Variants in SHC4 observed in about 807,000 individuals in gnomAD.
SHC4 encodes the protein SHC adaptor protein 4.
SHC4 carries 41 observed loss-of-function variants against 69.4 expected under a neutral mutation model. The ratio of observed to expected loss-of-function variants is 0.59; its 90% CI spans 0.46 to 0.77. The LOEUF is 0.77. SHC4 is among the 30% of genes least tolerant of loss of function. The pLI, the probability that SHC4 is intolerant of heterozygous loss-of-function variation, is 0.00. For missense variants in SHC4, 777 were observed against 783.8 expected (o/e 0.99, Z 0.10); for synonymous variants, 318 against 299.3 (o/e 1.06, Z -0.64).
intron 5 of SHC4, among the ~76,000 whole-genome samples, chr15:48,868,995 T>C (rs899538252): frequency 1.3e-5 from 2 of 152,214 alleles, no homozygotes; most frequent in Non-Finnish European, 2.9e-5. Flanking sequence ...TGCTGTCTGG[T>C]AGGTCCAATT....
chr15:48,928,828 T>C (rs1900902313), intron 1 of SHC4, among the ~76,000 whole-genome samples: 1 of 152,142 alleles, frequency 6.6e-6, no homozygotes, highest in South Asian at 2.1e-4. Flanking sequence ...TGATCTTTAC[T>C]CTTACGGTGG....
chr15:48,855,344 T>C (rs1899291064), intron 8 of SHC4, among the ~76,000 whole-genome samples: 1 of 152,120 alleles, frequency 6.6e-6, no homozygotes, highest in Non-Finnish European at 1.5e-5. Flanking sequence ...CTGGTGACCA[T>C]TGTAAAAGTA....
At chr15:48,878,697 T>G in intron 4 of SHC4, 1 of 1,614,018 alleles carries the variant, frequency 6.2e-7, no homozygotes, top group Non-Finnish European at 8.5e-7. Flanking sequence ...GTCAATCGTC[T>G]GACCGAAGAA....
chr15:48,953,814 A>G (rs1247103354), intron 1 of SHC4, among the ~76,000 whole-genome samples: 1 of 152,238 alleles, frequency 6.6e-6, no homozygotes, highest in Non-Finnish European at 1.5e-5. Flanking sequence ...TTGATGTACG[A>G]GTAGCTCATA....
In SHC4 at chr15:48,962,605, T is replaced by C; in HGVS notation, c.411A>G (p.Leu137=). The C allele has an allele frequency of 6.2e-7, 1 of 1,614,106 alleles. No homozygotes were observed. The highest frequency in any genetic ancestry group is 8.5e-7 in the Non-Finnish European group (1 of 1,179,982). ...SSGPSSPETS[L]SRSGTAPPPQ... ...GTGGAGGTGCAGTCCCGGACCTACT[T>C]AAACTGGTTTCTGGGGAAGAGGGGC... The change falls in exon 1 of 12, where the codon TTA becomes TTG. Residue 137 remains leucine, a synonymous_variant. Coordinates refer to ENST00000332408, the MANE Select transcript of SHC4 (RefSeq NM_203349.4).
intron 3 of SHC4, among the ~76,000 whole-genome samples, chr15:48,889,129 C>T (rs62010862): frequency 0.073 from 11,121 of 152,074 alleles, 448 homozygotes; most frequent in East Asian, 0.13. Flanking sequence ...ATGGGGAATC[C>T]CTGCTCCTTA....
chr15:48,860,203 A>G (rs1332413932), intron 6 of SHC4, among the ~76,000 whole-genome samples: 2 of 152,156 alleles, frequency 1.3e-5, no homozygotes, highest in Non-Finnish European at 2.9e-5. Context: ...AATCTCGTAA[A>G]TTCCCAGTCC....
At chr15:48,882,936 C>CGTGA (rs1250507267) in intron 4 of SHC4, among the ~76,000 whole-genome samples, 1 of 152,170 alleles carries the variant, frequency 6.6e-6, no homozygotes, top group Non-Finnish European at 1.5e-5. Context: ...AATGGTATCA[C>CGTGA]CACTCTTGGA....
chr15:48,943,187 C>T (rs1032115595), intron 1 of SHC4, among the ~76,000 whole-genome samples: 14 of 152,282 alleles, frequency 9.2e-5, no homozygotes, highest in African/African-American at 3.4e-4. Context: ...TCATGCTGCA[C>T]ATTAGATCTC....
chr15:48,914,614 A>C (rs1900582053), intron 2 of SHC4, among the ~76,000 whole-genome samples: 1 of 152,184 alleles, frequency 6.6e-6, no homozygotes, highest in Admixed American at 6.6e-5. Context: ...TAGAAACTTA[A>C]GCCCCGAAGC....
intron 7 of SHC4, 48 bp from the exon 8 acceptor site, chr15:48,856,172 A>T: frequency 6.4e-7 from 1 of 1,555,544 alleles, no homozygotes; most frequent in South Asian, 1.2e-5. Context: ...AAATTCAAAT[A>T]CTGTAAGGGA....
rs568410689 is a variant in SHC4 at position 48,861,581 on chromosome 15, G to A, written c.947-3766C>T. ...AGAATTGCCCAATTTTCAGCTAAAG[G>A]GAAAGAAGAAAGACAAGTAACTATA... On this transcript the variant is annotated intron_variant, in intron 6 of 11. Coordinates refer to ENST00000332408, the MANE Select transcript of SHC4 (RefSeq NM_203349.4). Among the ~76,000 whole-genome samples the A allele has an allele frequency of 2.2e-4, 33 of 152,234 alleles. No homozygotes were observed. The South Asian group carries it at 6.6e-3, about 31-fold the overall frequency.
At chr15:48,851,309 G>T (rs1899211068) in intron 8 of SHC4, 61 bp from the exon 9 acceptor site, 2 of 1,517,968 alleles carry the variant, frequency 1.3e-6, no homozygotes, top group South Asian at 2.3e-5. Flanking sequence ...AAACTTAAAA[G>T]AAAAAATTTA....
At chr15:48,919,295 A>ATTTTTATTTTTTTTTTTTTTTTTTTTTT (rs1900691902) in intron 2 of SHC4, among the ~76,000 whole-genome samples, 1 of 71,216 alleles carries the variant, frequency 1.4e-5, no homozygotes, top group Non-Finnish European at 2.6e-5. Context: ...ATTTATTTTA[A>ATTTTTATTTTTTTTTTTTTTTTTTTTTT]TTTTTTTTTT....
At position 48,843,557 on chromosome 15, in the gene SHC4, C is replaced by T. The variant is rs201348442; in HGVS notation, c.1335G>A (p.Gln445=). 28 of 1,614,014 alleles carry T rather than the reference C, an allele frequency of 1.7e-5. No individual in the cohort carries two copies. Among genetic ancestry groups the T allele is most frequent in the Non-Finnish European group, 2.3e-5 (27 of 1,179,982 alleles). Residue 445 remains glutamine, a synonymous_variant, in exon 10 of 12, where the codon CAG becomes CAA. Coordinates refer to ENST00000332408, the MANE Select transcript of SHC4 (RefSeq NM_203349.4). ...GNVHPRGVQS[Q]RDTSLLKHTC... is the part of the protein sequence containing the mutation. ...TGTGCTTCAATAATGAGGTATCTCG[C>T]TGGGACTGCACCCCTCTTGGATGGA...
At chr15:48,865,886 A>G (rs1899550196) in intron 6 of SHC4, among the ~76,000 whole-genome samples, 1 of 152,206 alleles carries the variant, frequency 6.6e-6, no homozygotes, top group Non-Finnish European at 1.5e-5. Flanking sequence ...GTGCTGCATC[A>G]TAATTTTCTC....
At chr15:48,834,253 C>G (rs1458556865) in intron 11 of SHC4, among the ~76,000 whole-genome samples, 1 of 152,276 alleles carries the variant, frequency 6.6e-6, no homozygotes. Flanking sequence ...CAAATGTCCC[C>G]CTTTTGAAAT....
At chr15:48,895,436 C>T (rs1900206121) in intron 2 of SHC4, among the ~76,000 whole-genome samples, 1 of 152,108 alleles carries the variant, frequency 6.6e-6, no homozygotes, top group African/African-American at 2.4e-5. Context: ...ACTCCCCTAA[C>T]ATAGTGAGGC....
At chr15:48,878,824 G>C in intron 4 of SHC4, 1 of 1,368,384 alleles carries the variant, frequency 7.3e-7, no homozygotes, top group Non-Finnish European at 9.9e-7. Context: ...AAATAGTTTT[G>C]TGCCATTGAA....
Sources: allele counts gnomAD v4.1 joint callset (sites outside exome capture counted in the v4.1 genomes callset), GRCh38; gene constraint gnomAD v4.1.1; transcripts MANE v1.5; gene names NCBI Gene and HGNC (gene_info 2026-07-23, HGNC 2026-07-21).